The following DCLK1 variants were observed in gnomAD, a reference collection of about 807,000 sequenced individuals.
DCLK1 encodes the protein doublecortin like kinase 1.
DCLK1 carries 16 observed loss-of-function variants against 86.2 expected under a neutral mutation model. The ratio of observed to expected loss-of-function variants is 0.19; its 90% CI spans 0.13 to 0.28. The LOEUF (loss-of-function observed/expected upper bound fraction) is 0.28. Among genes scored for constraint, DCLK1 ranks in the 10% least tolerant of loss-of-function variants. The probability of loss-of-function intolerance (pLI) is 1.00; values close to 1 mark genes in which losing one functional copy is unlikely to be tolerated. For missense variants in DCLK1, 590 were observed against 940.2 expected, an observed-to-expected ratio of 0.63 and a Z score of 4.87; for synonymous variants, 369 against 370.5, an observed-to-expected ratio of 1.00 and a Z score of 0.05.
At chr13:35,842,228 CAAA>C (rs35862851) in intron 6 of DCLK1, among the ~76,000 whole-genome samples, 12 of 35,128 alleles carry the variant, frequency 3.4e-4, no homozygotes, top group African/African-American at 1.2e-3. Flanking sequence ...GACTCCATCT[CAAA>C]AAAAAAAAAA....
chr13:35,972,440 C>A (rs1323862019), intron 3 of DCLK1, among the ~76,000 whole-genome samples: 1 of 152,076 alleles, frequency 6.6e-6, no homozygotes. Context: ...GAGAAGCTCA[C>A]TACCTCAGAG....
intron 4 of DCLK1, among the ~76,000 whole-genome samples, chr13:35,905,699 G>GGGTGGCCTC (rs1260554087): frequency 2.6e-5 from 4 of 152,052 alleles, no homozygotes; most frequent in Non-Finnish European, 5.9e-5. Context: ...TATTCCCAGC[G>GGGTGGCCTC]CATTGGGAGG....
At position 35,854,502 on chromosome 13, in the gene DCLK1, C is replaced by T; in HGVS notation, c.1032G>A (p.Gln344=). 1 of 1,599,656 alleles carries T rather than the reference C, an allele frequency of 6.3e-7. No individual in the cohort carries two copies. Among genetic ancestry groups the T allele is most frequent in the Non-Finnish European group, 8.5e-7 (1 of 1,172,156 alleles). Residue 344 remains glutamine, a synonymous_variant, in exon 6 of 17, where the codon CAG becomes CAA. Coordinates refer to ENST00000360631, the MANE Select transcript of DCLK1 (RefSeq NM_001330071.2). ...SPTSPGSLRK[Q]RSSQHGGSST... is the part of the protein sequence containing the mutation. ...AGCAGCTTGCTTATTTCCTTACCCT[C>T]TGCTTCCGCAGGCTTCCTGGGCTGG...
intron 5 of DCLK1, among the ~76,000 whole-genome samples, chr13:35,863,349 C>T (rs552170809): frequency 6.6e-6 from 1 of 152,310 alleles, no homozygotes; most frequent in African/African-American, 2.4e-5. Flanking sequence ...GTCTGGAACA[C>T]AGTAGATACT....
chr13:35,868,174 C>T (rs1213614095), intron 5 of DCLK1, among the ~76,000 whole-genome samples: 1 of 151,964 alleles, frequency 6.6e-6, no homozygotes, highest in Non-Finnish European at 1.5e-5. Context: ...AGGCGCCTGC[C>T]ACCACGCCCG....
At chr13:36,008,048 A>G (rs1881068361) in intron 3 of DCLK1, among the ~76,000 whole-genome samples, 1 of 151,080 alleles carries the variant, frequency 6.6e-6, no homozygotes, top group African/African-American at 2.4e-5. Flanking sequence ...AACAAAATAT[A>G]TTTCCAATTA....
chr13:36,094,921 G>A (rs538253329), intron 3 of DCLK1, among the ~76,000 whole-genome samples: 25 of 152,304 alleles, frequency 1.6e-4, no homozygotes, highest in African/African-American at 6.0e-4. Context: ...AAAGGAAGCA[G>A]GAGTGAGGAA....
In DCLK1 at chr13:35,871,359, C is replaced by A. The variant is rs1386089652; in HGVS notation, c.824-19G>T. ...CGACATTCTGGGGAAAGAACAAAAA[C>A]CACACATCATTATGGGGTAATGGCA... is the stretch of plus-strand genomic sequence containing the variant. On this transcript the variant is annotated intron_variant, in intron 4 of 16. Coordinates refer to ENST00000360631, the MANE Select transcript of DCLK1 (RefSeq NM_001330071.2). 1 of 1,595,732 alleles carries A rather than the reference C, an allele frequency of 6.3e-7. No homozygotes were observed. The highest frequency in any genetic ancestry group is 2.2e-5 in the East Asian group (1 of 44,788).
intron 2 of DCLK1, among the ~76,000 whole-genome samples, chr13:36,123,003 T>C (rs7995160): frequency 0.31 from 46,381 of 152,020 alleles, 7,479 homozygotes; most frequent in South Asian, 0.41. Context: ...TTCACAAATA[T>C]TGTAATTCAG....
chr13:35,952,593 G>A (rs922539142), intron 3 of DCLK1, among the ~76,000 whole-genome samples: 6 of 152,190 alleles, frequency 3.9e-5, no homozygotes, highest in African/African-American at 1.4e-4. Flanking sequence ...ATTCCTCTGA[G>A]AAAACTGCTC....
chr13:35,865,872 A>G (rs747988728), intron 5 of DCLK1, among the ~76,000 whole-genome samples: 3 of 152,214 alleles, frequency 2.0e-5, no homozygotes, highest in Admixed American at 6.5e-5. Context: ...AAGTTGGGGT[A>G]AATCATTCAC....
chr13:35,780,137 T>C (rs1397410005), intron 16 of DCLK1, among the ~76,000 whole-genome samples: 1 of 152,148 alleles, frequency 6.6e-6, no homozygotes, highest in Non-Finnish European at 1.5e-5. Context: ...TTTGTGTGTG[T>C]GTGTATGGCT....
At chr13:35,977,982 G>A (rs1229711759) in intron 3 of DCLK1, among the ~76,000 whole-genome samples, 1 of 152,048 alleles carries the variant, frequency 6.6e-6, no homozygotes, top group Admixed American at 6.6e-5. Context: ...TCAAATGTCA[G>A]CTTTCTTTAC....
chr13:36,094,275 T>A (rs1566678783), intron 3 of DCLK1, among the ~76,000 whole-genome samples: 2 of 152,228 alleles, frequency 1.3e-5, no homozygotes, highest in African/African-American at 4.8e-5. Flanking sequence ...TTATTATTAT[T>A]TTCTTAAATG....
At chr13:35,974,469 G>A (rs1879229908) in intron 3 of DCLK1, among the ~76,000 whole-genome samples, 2 of 152,162 alleles carry the variant, frequency 1.3e-5, no homozygotes, top group Non-Finnish European at 2.9e-5. Flanking sequence ...GTCTCATGTC[G>A]AATTGTAATC....
chr13:35,800,417 G>A (rs1391146824), intron 15 of DCLK1, among the ~76,000 whole-genome samples: 1 of 152,196 alleles, frequency 6.6e-6, no homozygotes, highest in African/African-American at 2.4e-5. Flanking sequence ...CCTCCCATGG[G>A]TCTACATTCC....
At chr13:36,093,106 GC>G (rs1459156831) in intron 3 of DCLK1, among the ~76,000 whole-genome samples, 1 of 152,148 alleles carries the variant, frequency 6.6e-6, no homozygotes, top group African/African-American at 2.4e-5. Flanking sequence ...TTACTTCTAT[GC>G]CAAGCATCAG....
At chr13:36,129,977 A>G (rs2138230237) in intron 1 of DCLK1, among the ~76,000 whole-genome samples, 1 of 152,246 alleles carries the variant, frequency 6.6e-6, no homozygotes, top group Non-Finnish European at 1.5e-5. Context: ...AAAATGGCAT[A>G]AATGCTACCA....
At chr13:35,940,303 A>G (rs1343187732) in intron 4 of DCLK1, among the ~76,000 whole-genome samples, 1 of 152,134 alleles carries the variant, frequency 6.6e-6, no homozygotes, top group African/African-American at 2.4e-5. Context: ...AAAAAAAAAA[A>G]AAATAAGTTA....
Sources: gnomAD v4.1 joint callset for allele counts (sites outside exome capture counted in the v4.1 genomes callset) on GRCh38, gnomAD v4.1.1 for gene constraint, MANE v1.5 for transcripts, NCBI Gene and HGNC (gene_info 2026-07-23, HGNC 2026-07-21) for gene names.